TMEM178B: variants seen among roughly 807,000 people sequenced by gnomAD.
The protein encoded by TMEM178B is transmembrane protein 178B.
Under a neutral mutation model 31.0 loss-of-function variants are expected in TMEM178B, and 5 were observed. That is an observed-to-expected ratio of 0.16 (90% CI 0.08 to 0.34). The LOEUF (loss-of-function observed/expected upper bound fraction) is 0.34. Among genes scored for constraint, TMEM178B ranks in the 10% least tolerant of loss-of-function variants. TMEM178B has a pLI of 1.00. For missense variants in TMEM178B, 275 were observed against 400.3 expected (o/e 0.69, Z 2.67); for synonymous variants, 164 against 164.0 (o/e 1.00, Z 0.00).
intron 3 of TMEM178B, among the ~76,000 whole-genome samples, chr7:141,438,696 T>TA (rs869132131): frequency 0.12 from 3,568 of 28,934 alleles, 646 homozygotes; most frequent in East Asian, 0.21. Context: ...CCGTCTCTAC[T>TA]AAAAAAAAAA....
chr7:141,334,784 T>C (rs1799355425), intron 2 of TMEM178B, among the ~76,000 whole-genome samples: 1 of 152,220 alleles, frequency 6.6e-6, no homozygotes, highest in African/African-American at 2.4e-5. Flanking sequence ...TTGATCCAGG[T>C]AATTAAAAGT....
chr7:141,447,383 A>G (rs576408018), intron 3 of TMEM178B, among the ~76,000 whole-genome samples: 2 of 152,036 alleles, frequency 1.3e-5, no homozygotes, highest in South Asian at 2.1e-4. Context: ...AGCAAGGAGA[A>G]GGGGCCTGGG....
intron 2 of TMEM178B, among the ~76,000 whole-genome samples, chr7:141,433,164 G>A (rs759448647): frequency 6.6e-6 from 1 of 152,144 alleles, no homozygotes; most frequent in Admixed American, 6.5e-5. Flanking sequence ...TGTGTTTTAC[G>A]ACCCCCTCGT....
chr7:141,330,589 C>T (rs6975529), intron 2 of TMEM178B, among the ~76,000 whole-genome samples: 14,300 of 152,108 alleles, frequency 0.094, 1,449 homozygotes, highest in African/African-American at 0.26. Context: ...ACACTACCTG[C>T]TGGTTGGAGA....
intron 2 of TMEM178B, among the ~76,000 whole-genome samples, chr7:141,410,867 T>C (rs1800974138): frequency 6.6e-6 from 1 of 152,186 alleles, no homozygotes; most frequent in Admixed American, 6.5e-5. Flanking sequence ...TAATCAATTG[T>C]ACTACAGTGT....
At chr7:141,338,324 G>A (rs1049567980) in intron 2 of TMEM178B, among the ~76,000 whole-genome samples, 14 of 152,130 alleles carry the variant, frequency 9.2e-5, no homozygotes, top group Admixed American at 1.3e-4. Context: ...AGTCAATTAT[G>A]TAATTGAGCA....
At chr7:141,426,659 A>G (rs749687774) in intron 2 of TMEM178B, among the ~76,000 whole-genome samples, 2 of 152,140 alleles carry the variant, frequency 1.3e-5, no homozygotes, top group Admixed American at 6.5e-5. Context: ...GAGGCAGAGG[A>G]CAGTTCTGAA....
chr7:141,391,406 C>T (rs568960507), intron 2 of TMEM178B, among the ~76,000 whole-genome samples: 8 of 152,220 alleles, frequency 5.3e-5, no homozygotes, highest in South Asian at 4.2e-4. Context: ...TCTCATTACC[C>T]GCCTCGGCAT....
At chr7:141,495,752 C>T in the TMEM178B span, among the ~76,000 whole-genome samples, 1 of 152,130 alleles carries the variant, frequency 6.6e-6, no homozygotes. Flanking sequence ...AACCAAGGTC[C>T]ATCTCTGTGT....
the TMEM178B span, among the ~76,000 whole-genome samples, chr7:141,487,306 G>A: frequency 6.6e-6 from 1 of 151,968 alleles, no homozygotes; most frequent in South Asian, 2.1e-4. Context: ...GTATATTTTT[G>A]AATGGAATTA....
At chr7:141,138,708 C>T (rs184139433) in intron 1 of TMEM178B, among the ~76,000 whole-genome samples, 2 of 151,880 alleles carry the variant, frequency 1.3e-5, no homozygotes, top group African/African-American at 2.4e-5. Context: ...GGTGGCCGGG[C>T]GGGGTGGCTC....
chr7:141,239,252 C>G (rs1408686666), intron 2 of TMEM178B, among the ~76,000 whole-genome samples: 1 of 152,108 alleles, frequency 6.6e-6, no homozygotes. Context: ...CAGAAGCAGA[C>G]CTTGAAATGG....
chr7:141,261,142 T>G (rs1451154667), intron 2 of TMEM178B, among the ~76,000 whole-genome samples: 3 of 152,264 alleles, frequency 2.0e-5, no homozygotes, highest in East Asian at 1.9e-4. Flanking sequence ...AGTCAAAAAC[T>G]GTTGGGGTGG....
intron 2 of TMEM178B, among the ~76,000 whole-genome samples, chr7:141,224,146 G>A (rs978206854): frequency 4.6e-5 from 7 of 152,118 alleles, no homozygotes; most frequent in Admixed American, 3.3e-4. Flanking sequence ...ATGTTAAGAC[G>A]TGCCTTTTGC....
intron 2 of TMEM178B, among the ~76,000 whole-genome samples, chr7:141,399,516 T>G (rs2116616894): frequency 6.6e-6 from 1 of 152,342 alleles, no homozygotes; most frequent in South Asian, 2.1e-4. Context: ...GTGGTGCCCA[T>G]TCTTTGGAGT....
At chr7:141,282,425 T>G (rs1047798172) in intron 2 of TMEM178B, among the ~76,000 whole-genome samples, 2 of 152,182 alleles carry the variant, frequency 1.3e-5, no homozygotes, top group African/African-American at 4.8e-5. Flanking sequence ...AGGAATGAAT[T>G]GTAGAATTAA....
chr7:141,199,372 G>T (rs1414389928), intron 1 of TMEM178B, among the ~76,000 whole-genome samples: 1 of 152,186 alleles, frequency 6.6e-6, no homozygotes, highest in Non-Finnish European at 1.5e-5. Flanking sequence ...TTAAGAAAAA[G>T]AGTCTCTTGA....
chr7:141,266,360 G>C (rs1798094306), intron 2 of TMEM178B, among the ~76,000 whole-genome samples: 1 of 152,166 alleles, frequency 6.6e-6, no homozygotes, highest in Admixed American at 6.5e-5. Context: ...CTGGAATGTT[G>C]AGTAGAGAGA....
chr7:141,167,514 G>T (rs917786402), intron 1 of TMEM178B, among the ~76,000 whole-genome samples: 1 of 152,234 alleles, frequency 6.6e-6, no homozygotes, highest in Non-Finnish European at 1.5e-5. Flanking sequence ...AAGTGGATTT[G>T]TGCCTTTAAT....
Sources: allele counts gnomAD v4.1 joint callset (sites outside exome capture counted in the v4.1 genomes callset), GRCh38; gene constraint gnomAD v4.1.1; transcripts MANE v1.5; gene names NCBI Gene and HGNC (gene_info 2026-07-23, HGNC 2026-07-21).